Variants in MBNL1 observed in about 807,000 individuals in gnomAD.
MBNL1 encodes the protein muscleblind like splicing regulator 1.
Under a neutral mutation model 42.2 loss-of-function variants are expected in MBNL1, and 8 were observed. The observed-to-expected ratio is 0.19, with a 90% CI of 0.11 to 0.34. The LOEUF (loss-of-function observed/expected upper bound fraction) is 0.34, where lower values mean the gene tolerates loss of function less well. Among genes scored for constraint, MBNL1 ranks in the 10% least tolerant of loss-of-function variants. MBNL1 has a pLI of 1.00. For missense variants in MBNL1, 309 were observed against 495.3 expected (o/e 0.62, Z 3.57); for synonymous variants, 169 against 173.9 (o/e 0.97, Z 0.22).
intron 2 of MBNL1, among the ~76,000 whole-genome samples, chr3:152,410,171 T>A (rs1207620604): frequency 6.6e-6 from 1 of 152,090 alleles, no homozygotes; most frequent in Non-Finnish European, 1.5e-5. Flanking sequence ...TGTATTAAAC[T>A]GTAATGTTTA....
chr3:152,459,934 C>CACCTACTTCATCCCATGT (rs1184041571), intron 9 of MBNL1, among the ~76,000 whole-genome samples: 9 of 151,086 alleles, frequency 6.0e-5, no homozygotes, highest in Non-Finnish European at 1.0e-4. Context: ...TCATCCCATG[C>CACCTACTTCATCCCATGT]ACCACCATAC....
intron 2 of MBNL1, among the ~76,000 whole-genome samples, chr3:152,336,307 A>G (rs2090130521): frequency 6.6e-6 from 1 of 152,062 alleles, no homozygotes. Context: ...GTTTTCACCA[A>G]TGGGATTAAG....
At chr3:152,425,413 C>T (rs1186631007) in intron 3 of MBNL1, among the ~76,000 whole-genome samples, 1 of 151,940 alleles carries the variant, frequency 6.6e-6, no homozygotes, top group African/African-American at 2.4e-5. Context: ...TCAAGACCAT[C>T]CTGGTTAACA....
At chr3:152,444,142 A>G (rs563665559) in intron 4 of MBNL1, among the ~76,000 whole-genome samples, 2 of 152,334 alleles carry the variant, frequency 1.3e-5, no homozygotes, top group African/African-American at 4.8e-5. Context: ...GTGAAAAGAT[A>G]CTTGAACAAT....
chr3:152,337,625 CAA>C (rs1255178970), intron 2 of MBNL1, among the ~76,000 whole-genome samples: 26 of 75,762 alleles, frequency 3.4e-4, no homozygotes, highest in South Asian at 2.6e-3. Flanking sequence ...GATTCCATCT[CAA>C]AAAAAAAAAA....
intron 2 of MBNL1, chr3:152,338,813 G>A: frequency 2.6e-6 from 1 of 385,366 alleles, no homozygotes; most frequent in Non-Finnish European, 3.5e-6. Context: ...GAGTCTTAGG[G>A]AACTATTTAT....
chr3:152,249,892 T>C (rs2034215916), intron 2 of MBNL1, among the ~76,000 whole-genome samples: 1 of 149,446 alleles, frequency 6.7e-6, no homozygotes, highest in African/African-American at 2.5e-5. Context: ...TCCCCATTGC[T>C]TGTTTTTCTC....
At chr3:152,401,608 G>A (rs1242808762) in intron 2 of MBNL1, among the ~76,000 whole-genome samples, 1 of 152,168 alleles carries the variant, frequency 6.6e-6, no homozygotes, top group Non-Finnish European at 1.5e-5. Context: ...ATAAGGTCAT[G>A]TAGCTAGCGG....
chr3:152,389,785 G>C (rs2097606217), intron 2 of MBNL1, among the ~76,000 whole-genome samples: 1 of 152,144 alleles, frequency 6.6e-6, no homozygotes, highest in South Asian at 2.1e-4. Context: ...TACTATACAT[G>C]ACTGTTGGCT....
chr3:152,325,121 T>C (rs2078956774), intron 2 of MBNL1, among the ~76,000 whole-genome samples: 1 of 122,128 alleles, frequency 8.2e-6, no homozygotes, highest in Non-Finnish European at 1.7e-5. Flanking sequence ...CATTTGTTTT[T>C]GTTTGTTTTT....
intron 3 of MBNL1, among the ~76,000 whole-genome samples, chr3:152,419,957 G>A (rs780073442): frequency 3.9e-5 from 6 of 152,102 alleles, no homozygotes; most frequent in Non-Finnish European, 7.4e-5. Flanking sequence ...TTGAGTAGGC[G>A]GTTTCCCCTC....
chr3:152,392,891 C>CT (rs148107259), intron 2 of MBNL1, among the ~76,000 whole-genome samples: 2,423 of 152,224 alleles, frequency 0.016, 56 homozygotes, highest in African/African-American at 0.055. Context: ...CAAAGGCCTT[C>CT]TTTTTTTGTT....
intron 2 of MBNL1, among the ~76,000 whole-genome samples, chr3:152,347,317 GA>G (rs1232035755): frequency 2.6e-5 from 4 of 151,402 alleles, no homozygotes; most frequent in Admixed American, 6.6e-5. Flanking sequence ...AAAGTAACAT[GA>G]AAAAAATGGA....
intron 2 of MBNL1, among the ~76,000 whole-genome samples, chr3:152,326,651 G>GA (rs1288155667): frequency 6.6e-6 from 1 of 151,628 alleles, no homozygotes; most frequent in Non-Finnish European, 1.5e-5. Context: ...CAGAAAAAGG[G>GA]AAAAAATGCA....
At chr3:152,259,979 A>T (rs774806822) in intron 2 of MBNL1, among the ~76,000 whole-genome samples, 180 of 152,272 alleles carry the variant, frequency 1.2e-3, no homozygotes, top group Non-Finnish European at 2.1e-3. Context: ...GATCATAATT[A>T]TTTACCATTT....
intron 3 of MBNL1, among the ~76,000 whole-genome samples, chr3:152,419,684 TTTTTGTTTG>T (rs765260478): frequency 1.8e-5 from 2 of 110,064 alleles, no homozygotes; most frequent in Non-Finnish European, 3.8e-5. Flanking sequence ...TGCAGGAGTT[TTTTTGTTTG>T]TTTGTTTGTT....
rs1003181294 is a variant in MBNL1 at position 152,252,173 on chromosome 3, T to G, written n.333+7733T>G. 2.7e-5 allele frequency among the ~76,000 whole-genome samples: 3 copies of G among 111,312 alleles called. No individual in the cohort carries two copies. In the South Asian group the frequency reaches 9.6e-4, roughly 36 times the overall value. The allele number at this position is 111,312 out of a possible 152,430, so 73.0% of individuals were successfully genotyped here. On this transcript the variant is annotated intron_variant and non_coding_transcript_variant, in intron 2 of 2. Coordinates refer to the MBNL1 transcript ENST00000477171. ...CTTCCTTCCTTCCTTCCTTCCTTCC[T>G]TCCTTCCCTCCTTCCTTCCTTCCCT...
At chr3:152,306,323 A>G (rs1424849166) in intron 2 of MBNL1, among the ~76,000 whole-genome samples, 2 of 152,192 alleles carry the variant, frequency 1.3e-5, no homozygotes, top group African/African-American at 4.8e-5. Flanking sequence ...GTCTAGGTCT[A>G]TTTGGCGACT....
At chr3:152,266,022 A>G (rs2037172687), upstream of MBNL1, 1 of 152,242 alleles carries the variant, frequency 6.6e-6, no homozygotes, top group Admixed American at 6.5e-5. Flanking sequence ...ATGATTGAAT[A>G]GTTTTAACAT....
Sources: gnomAD v4.1 joint callset for allele counts (sites outside exome capture counted in the v4.1 genomes callset) on GRCh38, gnomAD v4.1.1 for gene constraint, MANE v1.5 for transcripts, NCBI Gene and HGNC (gene_info 2026-07-23, HGNC 2026-07-21) for gene names.